Variants in VGLL3 observed in about 807,000 individuals in gnomAD.
VGLL3 encodes the protein transcription cofactor vestigial-like protein 3.
Under a neutral mutation model 29.2 loss-of-function variants are expected in VGLL3, and 18 were observed. The ratio of observed to expected loss-of-function variants is 0.62; its 90% CI spans 0.43 to 0.91. The LOEUF (loss-of-function observed/expected upper bound fraction) is 0.91, where lower values mean the gene tolerates loss of function less well. Ranked by LOEUF, VGLL3 falls within the 40% of genes least tolerant of loss-of-function variation. VGLL3 has a pLI of 0.00. For synonymous variants in VGLL3, 180 were observed against 151.8 expected, an observed-to-expected ratio of 1.19 and a Z score of -1.36; for missense variants, 440 against 413.2, an observed-to-expected ratio of 1.06 and a Z score of -0.56.
At chr3:86,972,045 T>C (rs551846551) in intron 2 of VGLL3, among the ~76,000 whole-genome samples, 45 of 152,318 alleles carry the variant, frequency 3.0e-4, no homozygotes, top group African/African-American at 1.1e-3. Context: ...GGAGAGTATA[T>C]ACCATTTCTC....
At position 86,946,716 on chromosome 3, in the gene VGLL3, T is replaced by TAA. The variant is rs993782971; in HGVS notation, c.*306_*307dup. 2.8e-5 allele frequency: 6 copies of TAA among 218,176 alleles called. No homozygotes were observed. The East Asian group carries it at 2.8e-4, about 10-fold the overall frequency. 13.5% of individuals were successfully genotyped at this position (218,176 alleles called of 1,614,324 possible). The stretch of plus-strand genomic sequence containing the variant: ...ATCCTTTCCTGACAAGGTGGTTGGC[T>TAA]AAAAAAAAAAATCAAAATGAAACAA... On this transcript the variant is annotated 3_prime_UTR_variant, in exon 4 of 4. Coordinates refer to ENST00000398399, the MANE Select transcript of VGLL3 (RefSeq NM_016206.4).
At chr3:86,955,467 G>A (rs1704702182) in intron 3 of VGLL3, among the ~76,000 whole-genome samples, 2 of 145,908 alleles carry the variant, frequency 1.4e-5, no homozygotes, top group Non-Finnish European at 3.0e-5. Context: ...TCGGCTCACT[G>A]CAACCTCTGC....
intron 1 of VGLL3, among the ~76,000 whole-genome samples, chr3:86,989,611 G>T (rs1336112140): frequency 1.3e-5 from 2 of 152,118 alleles, no homozygotes; most frequent in Admixed American, 6.5e-5. Context: ...AAAGTAAAAA[G>T]AAATAAATCA....
intron 1 of VGLL3, among the ~76,000 whole-genome samples, chr3:86,980,265 A>G (rs1051204407): frequency 6.6e-6 from 1 of 152,062 alleles, no homozygotes; most frequent in East Asian, 1.9e-4. Context: ...TTCTAATGTA[A>G]TTACTAGCTT....
At chr3:86,964,267 A>G (rs1348845393) in intron 3 of VGLL3, among the ~76,000 whole-genome samples, 2 of 152,326 alleles carry the variant, frequency 1.3e-5, no homozygotes, top group South Asian at 2.1e-4. Context: ...GGTAGTGGTA[A>G]CAGAGACCTG....
rs1057216905 is a variant in VGLL3, at chr3:86,942,127, T to A, written c.*4897A>T. Reference sequence around the variant, plus strand: ...CAGAGAATAAACTGTAATTTCTCTCTCAAACAAGCCTTTCTTATTCTGAAA... The same window carrying A: ...CAGAGAATAAACTGTAATTTCTCTCACAAACAAGCCTTTCTTATTCTGAAA... On this transcript the variant is annotated 3_prime_UTR_variant, in exon 4 of 4. Coordinates refer to ENST00000398399, the MANE Select transcript of VGLL3 (RefSeq NM_016206.4). The A allele has an allele frequency of 6.6e-6, 1 of 152,134 alleles. No homozygotes were observed. The highest frequency in any genetic ancestry group is 2.4e-5 in the African/African-American group (1 of 41,442). The allele number at this position is 152,134 out of a possible 1,614,324, so 9.4% of individuals were successfully genotyped here.
At chr3:86,950,083 T>C (rs963553305) in intron 3 of VGLL3, among the ~76,000 whole-genome samples, 2 of 152,258 alleles carry the variant, frequency 1.3e-5, no homozygotes, top group East Asian at 1.9e-4. Flanking sequence ...TATTCATACT[T>C]TTCTGCTTCC....
chr3:86,977,308 A>G (rs1705229610), intron 2 of VGLL3, among the ~76,000 whole-genome samples: 1 of 152,134 alleles, frequency 6.6e-6, no homozygotes, highest in African/African-American at 2.4e-5. Flanking sequence ...TCAAGTAGGT[A>G]AGAAAAGATC....
At chr3:86,988,711 A>ATTTT (rs1353290773) in intron 1 of VGLL3, among the ~76,000 whole-genome samples, 9,509 of 59,616 alleles carry the variant, frequency 0.16, 1,587 homozygotes, top group African/African-American at 0.31. Context: ...GAAGAAAAAG[A>ATTTT]AGAAAAAGCA....
At chr3:86,976,996 T>C (rs1705222902) in intron 2 of VGLL3, among the ~76,000 whole-genome samples, 1 of 152,200 alleles carries the variant, frequency 6.6e-6, no homozygotes, top group South Asian at 2.1e-4. Flanking sequence ...AATAGGACAT[T>C]AGTCTATTAC....
intron 1 of VGLL3, among the ~76,000 whole-genome samples, chr3:86,986,172 CT>C (rs148894614): frequency 0.017 from 2,519 of 152,190 alleles, 76 homozygotes; most frequent in African/African-American, 0.057. Context: ...TATAGGTCAC[CT>C]CCTTGCCATC....
At chr3:86,966,812 T>C (rs1231484049) in intron 3 of VGLL3, among the ~76,000 whole-genome samples, 1 of 124,996 alleles carries the variant, frequency 8.0e-6, no homozygotes, top group Non-Finnish European at 1.7e-5. Context: ...TATATATATA[T>C]ATATATATAT....
intron 3 of VGLL3, chr3:86,962,516 G>A: frequency 2.0e-6 from 2 of 984,718 alleles, no homozygotes; most frequent in Non-Finnish European, 2.4e-6. Context: ...ATAATATGTT[G>A]TAATGAATCT....
At chr3:86,977,925 C>T (rs1044925201) in intron 2 of VGLL3, among the ~76,000 whole-genome samples, 1 of 152,186 alleles carries the variant, frequency 6.6e-6, no homozygotes, top group Non-Finnish European at 1.5e-5. Flanking sequence ...TCTCTGTGAG[C>T]TCGATACAGA....
intron 1 of VGLL3, among the ~76,000 whole-genome samples, chr3:86,982,174 T>C (rs1185702612): frequency 2.0e-5 from 3 of 152,174 alleles, no homozygotes; most frequent in Admixed American, 2.0e-4. Context: ...GATGGACTTT[T>C]GCTCTTGTTG....
intron 1 of VGLL3, among the ~76,000 whole-genome samples, chr3:86,984,884 T>C (rs1053015306): frequency 6.6e-6 from 1 of 152,148 alleles, no homozygotes; most frequent in South Asian, 2.1e-4. Flanking sequence ...TCTAAGTGGC[T>C]AATATTCCAA....
rs150652004 is a variant in VGLL3 at position 86,981,720 on chromosome 3, C to A, written c.127-2918G>T. 2.6e-3 allele frequency among the ~76,000 whole-genome samples: 390 copies of A among 152,220 alleles called. 2 individuals carry two copies. Among genetic ancestry groups the A allele is most frequent in the Non-Finnish European group, 4.1e-3 (282 of 68,012 alleles). On this transcript the variant is annotated intron_variant, in intron 1 of 3. Coordinates refer to ENST00000398399, the MANE Select transcript of VGLL3 (RefSeq NM_016206.4). ...CAAACAAATAAAATGAAAAAAGCTT[C>A]TATCTACCCATAGGCAGGACACAAG...
At chr3:86,949,670 C>CA (rs1454972878) in intron 3 of VGLL3, among the ~76,000 whole-genome samples, 1 of 151,542 alleles carries the variant, frequency 6.6e-6, no homozygotes, top group Admixed American at 6.6e-5. Flanking sequence ...ACTAAAAACA[C>CA]AAAAAATTAG....
intron 2 of VGLL3, among the ~76,000 whole-genome samples, chr3:86,975,770 A>C (rs1575875367): frequency 6.6e-6 from 1 of 152,182 alleles, no homozygotes; most frequent in South Asian, 2.1e-4. Flanking sequence ...ATTGAAGCGC[A>C]TGCTGTGTGC....
Sources: gnomAD v4.1 joint callset for allele counts (sites outside exome capture counted in the v4.1 genomes callset) on GRCh38, gnomAD v4.1.1 for gene constraint, MANE v1.5 for transcripts, NCBI Gene and HGNC (gene_info 2026-07-23, HGNC 2026-07-21) for gene names.